Variants in GABRA4 observed in about 807,000 individuals in gnomAD.
GABRA4 encodes the protein gamma-aminobutyric acid receptor subunit alpha-4.
Under a neutral mutation model 49.7 loss-of-function variants are expected in GABRA4, and 12 were observed. The ratio of observed to expected loss-of-function variants is 0.24; its 90% CI spans 0.15 to 0.39. The LOEUF (loss-of-function observed/expected upper bound fraction) is 0.39, where lower values mean the gene tolerates loss of function less well. GABRA4 is among the 10% of genes least tolerant of loss of function. GABRA4 has a pLI of 1.00. For synonymous variants in GABRA4, 288 were observed against 240.2 expected (o/e 1.20, Z -1.84); for missense variants, 506 against 686.0 (o/e 0.74, Z 2.93).
chr4:46,960,368 A>G (rs1722531687), intron 8 of GABRA4, among the ~76,000 whole-genome samples: 1 of 151,742 alleles, frequency 6.6e-6, no homozygotes, highest in East Asian at 1.9e-4. Context: ...TGGTATTTGA[A>G]AAATCAAGAT....
chr4:46,949,235 T>G (rs1319427626), intron 8 of GABRA4, among the ~76,000 whole-genome samples: 1 of 152,136 alleles, frequency 6.6e-6, no homozygotes, highest in Non-Finnish European at 1.5e-5. Flanking sequence ...TCTTACGGGA[T>G]TCTAAAATCC....
chr4:46,960,772 A>G (rs542784003), intron 8 of GABRA4, among the ~76,000 whole-genome samples: 1 of 151,858 alleles, frequency 6.6e-6, no homozygotes, highest in Admixed American at 6.6e-5. Flanking sequence ...TATTTAAATA[A>G]AACATAGTGA....
intron 2 of GABRA4, among the ~76,000 whole-genome samples, chr4:46,980,967 G>A (rs10517175): frequency 0.11 from 16,265 of 152,112 alleles, 961 homozygotes; most frequent in South Asian, 0.19. Flanking sequence ...AGACTATTTG[G>A]CAAGATTCTT....
In GABRA4 at chr4:46,925,982, A is replaced by G. The variant is rs1721214780; in HGVS notation, c.*2243T>C. On this transcript the variant is annotated 3_prime_UTR_variant, in exon 9 of 9. Coordinates refer to ENST00000264318, the MANE Select transcript of GABRA4 (RefSeq NM_000809.4). Reference sequence around the variant, plus strand: ...TACACTCTGTAAGATTTGTAGAAGAACACTTTTTTTTAAAGGAAGCCAATG... The same window carrying G: ...TACACTCTGTAAGATTTGTAGAAGAGCACTTTTTTTTAAAGGAAGCCAATG... 6.6e-6 allele frequency: 1 copy of G among 151,588 alleles called. No individual in the cohort carries two copies. The highest frequency in any genetic ancestry group is 1.5e-5 in the Non-Finnish European group (1 of 67,768). 9.4% of individuals were successfully genotyped at this position (151,588 alleles called of 1,614,324 possible).
chr4:46,982,486 T>C (rs1293902320), intron 2 of GABRA4, among the ~76,000 whole-genome samples: 1 of 152,002 alleles, frequency 6.6e-6, no homozygotes, highest in Non-Finnish European at 1.5e-5. Flanking sequence ...GCCTACACTT[T>C]GGTATCCCCA....
chr4:46,921,219 T>C lies in GABRA4; in HGVS notation c.*7006A>G, dbSNP rs1721016706. The C allele has an allele frequency of 6.6e-6, 1 of 151,838 alleles. No homozygotes were observed. Among genetic ancestry groups the C allele is most frequent in the Non-Finnish European group, 1.5e-5 (1 of 67,830 alleles). 9.4% of individuals were successfully genotyped at this position (151,838 alleles called of 1,614,324 possible). A position where few individuals can be genotyped will look rare whatever the true frequency, so the allele number is the denominator to read the frequency against. ...TAAAAATTTTCCATTAAATGTATCG[T>C]TATCCAAAAAGAAATTAAAAACGTT... On this transcript the variant is annotated 3_prime_UTR_variant, in exon 9 of 9. Transcript: ENST00000264318.
intron 8 of GABRA4, among the ~76,000 whole-genome samples, chr4:46,955,204 A>G (rs1019809518): frequency 8.5e-5 from 13 of 152,118 alleles, no homozygotes; most frequent in African/African-American, 3.1e-4. Context: ...ACCACATAAC[A>G]CACATACACA....
At chr4:46,956,424 T>G (rs755475272) in intron 8 of GABRA4, among the ~76,000 whole-genome samples, 5 of 152,064 alleles carry the variant, frequency 3.3e-5, no homozygotes, top group Non-Finnish European at 7.4e-5. Context: ...ATGATTGAAG[T>G]GAAAATCTGA....
intron 7 of GABRA4, among the ~76,000 whole-genome samples, chr4:46,965,984 T>C (rs1722738423): frequency 1.4e-5 from 2 of 147,808 alleles, no homozygotes; most frequent in Admixed American, 1.3e-4. Context: ...GAAGTACTTC[T>C]CCTCCATCAA....
chr4:46,959,847 T>C lies in GABRA4; in HGVS notation c.1134+5123A>G, dbSNP rs145326031. The stretch of plus-strand genomic sequence containing the variant: ...ATATATATATATATGTGTGTGTGTG[T>C]GTGTATGTGTGTGTGTGAGTGTGTC... On this transcript the variant is annotated intron_variant, in intron 8 of 8. Transcript: ENST00000264318. Among the ~76,000 whole-genome samples, 918 of 149,256 alleles carry C rather than the reference T, an allele frequency of 6.2e-3. 13 individuals are homozygous for C. The highest frequency in any genetic ancestry group is 0.021 in the African/African-American group (877 of 40,876).
At chr4:46,967,201 G>A (rs940148655) in intron 7 of GABRA4, among the ~76,000 whole-genome samples, 1 of 151,506 alleles carries the variant, frequency 6.6e-6, no homozygotes, top group Non-Finnish European at 1.5e-5. Context: ...TAGAAACAAT[G>A]CTAAAAGCAG....
At chr4:46,936,501 C>T (rs1311831732) in intron 8 of GABRA4, among the ~76,000 whole-genome samples, 2 of 152,102 alleles carry the variant, frequency 1.3e-5, no homozygotes, top group Non-Finnish European at 2.9e-5. Flanking sequence ...CCGCCCACCT[C>T]GGCCTCCCAA....
At chr4:46,961,870 G>T (rs1722588592) in intron 8 of GABRA4, among the ~76,000 whole-genome samples, 2 of 151,820 alleles carry the variant, frequency 1.3e-5, no homozygotes, top group Non-Finnish European at 2.9e-5. Context: ...AAGAGAGTGA[G>T]AGGGGCGCTG....
intron 7 of GABRA4, among the ~76,000 whole-genome samples, chr4:46,970,309 T>A (rs940932641): frequency 6.6e-6 from 1 of 151,510 alleles, no homozygotes; most frequent in Non-Finnish European, 1.5e-5. Context: ...CCAGAGCAAT[T>A]CTGATCATTT....
Position 46,993,505 on chromosome 4 carries a change from G to C in GABRA4, c.-81C>G. On this transcript the variant is annotated 5_prime_UTR_variant, in exon 1 of 9. Transcript: ENST00000264318. ...CTGAGCAGGGTGCGAGGAGAGGGCA[G>C]AGAGGCTCCCGCGGCGTGCGCACAC... 1 of 1,440,418 alleles carries C rather than the reference G, an allele frequency of 6.9e-7. No homozygotes were observed. Among genetic ancestry groups the C allele is most frequent in the Admixed American group, 1.7e-5 (1 of 57,490 alleles). 89.2% of individuals were successfully genotyped at this position (1,440,418 alleles called of 1,614,324 possible).
At position 46,919,684 on chromosome 4, in the gene GABRA4, A is replaced by C. The variant is rs1239198093; in HGVS notation, c.*8541T>G. The C allele has an allele frequency of 1.3e-5, 2 of 151,640 alleles. No homozygotes were observed. Among genetic ancestry groups the C allele is most frequent in the African/African-American group, 4.8e-5 (2 of 41,428 alleles). 9.4% of individuals were successfully genotyped at this position (151,640 alleles called of 1,614,324 possible). ...TTCAAGAGAAGAAAGAAGGGAATGG[A>C]CTTCATATTCCTCAGTTTGTACAAC... On this transcript the variant is annotated 3_prime_UTR_variant, in exon 9 of 9. Coordinates refer to ENST00000264318, the MANE Select transcript of GABRA4 (RefSeq NM_000809.4).
chr4:46,983,258 G>C (rs1723420017), intron 2 of GABRA4, among the ~76,000 whole-genome samples: 1 of 152,108 alleles, frequency 6.6e-6, no homozygotes, highest in African/African-American at 2.4e-5. Flanking sequence ...AATATAACAT[G>C]CTATACCTAC....
In GABRA4 at chr4:46,979,018, C is replaced by A; in HGVS notation, c.273+13G>T. The A allele has an allele frequency of 1.3e-6, 2 of 1,583,212 alleles. No homozygotes were observed. Among genetic ancestry groups the A allele is most frequent in the South Asian group, 1.1e-5 (1 of 89,708 alleles). On this transcript the variant is annotated intron_variant, in intron 3 of 8. Transcript: ENST00000264318. ...AAGTCTCAAAAGGTACATTAAACTT[C>A]GAAAATACCTACCATTTCAACATCA...
At chr4:46,989,663 G>A (rs1723674769) in intron 2 of GABRA4, among the ~76,000 whole-genome samples, 1 of 152,154 alleles carries the variant, frequency 6.6e-6, no homozygotes, top group South Asian at 2.1e-4. Flanking sequence ...CTGGCCTACT[G>A]AGCAATCACA....
Sources: gnomAD v4.1 joint callset for allele counts (sites outside exome capture counted in the v4.1 genomes callset) on GRCh38, gnomAD v4.1.1 for gene constraint, MANE v1.5 for transcripts, NCBI Gene and HGNC (gene_info 2026-07-23, HGNC 2026-07-21) for gene names.